The following NWD2 variants were observed in gnomAD, a reference collection of about 807,000 sequenced individuals.
NWD2 encodes NACHT and WD repeat domain containing 2, also known as NACHT and WD repeat domain-containing protein 2.
Under a neutral mutation model 132.7 loss-of-function variants are expected in NWD2, and 37 were observed. That is an observed-to-expected ratio of 0.28 (90% confidence interval 0.21 to 0.37). NWD2 has a LOEUF of 0.37. NWD2 is among the 10% of genes least tolerant of loss of function. The pLI, the probability that NWD2 is intolerant of heterozygous loss-of-function variation, is 1.00. For missense variants in NWD2, 1,592 were observed against 2,122.4 expected (o/e 0.75, Z 4.91); for synonymous variants, 705 against 803.0 (o/e 0.88, Z 2.06).
chr4:37,254,015 C>T (rs1443081403), intron 1 of NWD2, among the ~76,000 whole-genome samples: 2 of 152,080 alleles, frequency 1.3e-5, no homozygotes, highest in African/African-American at 4.8e-5. Context: ...CAAGTGGACA[C>T]ATAGAGGGCA....
At position 37,444,266 on chromosome 4, in the gene NWD2, G is replaced by A. The variant is rs2109331278; in HGVS notation, c.2278G>A (p.Ala760Thr). ...CCTGCGTGAAATGCACACCATCTTA[G>A]CAGATTATTTTCTGGGGGTTTGGTC... is the stretch of plus-strand genomic sequence containing the variant. Reference protein sequence around the residue: ...NDLREMHTILADYFLGVWSGG... With the variant: ...NDLREMHTILTDYFLGVWSGG... The change falls in exon 7 of 7, where the codon GCA becomes ACA. Residue 760 changes from alanine to threonine, a missense_variant. Physicochemically the swap from Ala to Thr is moderately conservative, Grantham distance 58. Transcript: ENST00000309447. This position sits in a 1 kb window ranked among gnomAD's most constrained non-coding sequence, Gnocchi z 4.8. 1 of 1,551,652 alleles carries A rather than the reference G, an allele frequency of 6.4e-7. No individual in the cohort carries two copies. Among genetic ancestry groups the A allele is most frequent in the Non-Finnish European group, 8.7e-7 (1 of 1,146,990 alleles).
chr4:37,285,978 G>A (rs1393839703), intron 1 of NWD2, among the ~76,000 whole-genome samples: 1 of 152,182 alleles, frequency 6.6e-6, no homozygotes. Context: ...TTAGAATCAT[G>A]ACACCAACTG....
chr4:37,445,375 T>G lies in NWD2; in HGVS notation c.3387T>G (p.Ser1129Arg). The G allele has an allele frequency of 6.4e-7, 1 of 1,552,036 alleles. No individual in the cohort carries two copies. The highest frequency in any genetic ancestry group is 8.7e-7 in the Non-Finnish European group (1 of 1,147,074). Residue 1129 changes from serine to arginine, a missense_variant, in exon 7 of 7, where the codon AGT becomes AGG. Around this residue, in one of 7 missense-constraint regions of NWD2, gnomAD observed 1,071 missense variants for 1,398.0 expected, o/e 0.77. Coordinates refer to ENST00000309447, the MANE Select transcript of NWD2 (RefSeq NM_001144990.2). This position sits in a 1 kb window ranked among gnomAD's most constrained non-coding sequence, Gnocchi z 4.7. The part of the protein sequence containing the change: ...LNTTTIFHLG[S>R]GEKLCTVTSE... ...CAACCACCATATTTCATTTAGGGAG[T>G]GGAGAAAAGTTATGTACAGTGACAT...
At chr4:37,366,365 G>A (rs1720099513) in intron 3 of NWD2, among the ~76,000 whole-genome samples, 1 of 152,068 alleles carries the variant, frequency 6.6e-6, no homozygotes, top group South Asian at 2.1e-4. Flanking sequence ...GCCTCCCATT[G>A]CCCTATCAGT....
chr4:37,343,115 AC>A (rs1409802823), intron 2 of NWD2, among the ~76,000 whole-genome samples: 2 of 152,220 alleles, frequency 1.3e-5, no homozygotes, highest in African/African-American at 4.8e-5. Flanking sequence ...GGCTTATACC[AC>A]ATGTATAAAC....
chr4:37,281,669 A>T (rs1338519639), intron 1 of NWD2, among the ~76,000 whole-genome samples: 1 of 152,168 alleles, frequency 6.6e-6, no homozygotes, highest in Non-Finnish European at 1.5e-5. Context: ...TTTAAGTAGC[A>T]TGCTCAAGGT....
intron 3 of NWD2, among the ~76,000 whole-genome samples, chr4:37,418,570 T>G (rs1711694745): frequency 6.6e-6 from 1 of 151,928 alleles, no homozygotes; most frequent in Non-Finnish European, 1.5e-5. Context: ...TCATAAACTA[T>G]GTTGATGGTA....
intron 1 of NWD2, among the ~76,000 whole-genome samples, chr4:37,317,835 C>T (rs1718988224): frequency 6.6e-6 from 1 of 152,136 alleles, no homozygotes; most frequent in Admixed American, 6.6e-5. Context: ...ATGCTGTCAA[C>T]ATAGTCAACT....
intron 1 of NWD2, among the ~76,000 whole-genome samples, chr4:37,265,040 G>T (rs1337635065): frequency 6.6e-6 from 1 of 151,954 alleles, no homozygotes; most frequent in Non-Finnish European, 1.5e-5. Flanking sequence ...ATTAAAATCA[G>T]ATCAAAAATG....
At chr4:37,372,664 A>G (rs73132367) in intron 3 of NWD2, among the ~76,000 whole-genome samples, 2,466 of 152,292 alleles carry the variant, frequency 0.016, 70 homozygotes, top group African/African-American at 0.057. Context: ...AAAGGATAGC[A>G]TTCTTGACTT....
At chr4:37,441,196 C>A (rs990022194) in intron 6 of NWD2, among the ~76,000 whole-genome samples, 4 of 152,148 alleles carry the variant, frequency 2.6e-5, no homozygotes, top group Non-Finnish European at 5.9e-5. Flanking sequence ...AATTAAGCAC[C>A]AGATGAAGTA....
chr4:37,280,066 C>A (rs1718098032), intron 1 of NWD2, among the ~76,000 whole-genome samples: 1 of 152,096 alleles, frequency 6.6e-6, no homozygotes, highest in Non-Finnish European at 1.5e-5. Flanking sequence ...GAAAGTCCTC[C>A]CCTAATGTCA....
chr4:37,438,664 A>T, intron 5 of NWD2, 137 bp from the exon 6 acceptor site: 1 of 593,100 alleles, frequency 1.7e-6, no homozygotes, highest in Non-Finnish European at 2.8e-6. Flanking sequence ...GAAATCAAGA[A>T]ATTATTCTAA....
At chr4:37,397,343 T>A (rs1385200761) in intron 3 of NWD2, among the ~76,000 whole-genome samples, 1 of 152,186 alleles carries the variant, frequency 6.6e-6, no homozygotes, top group African/African-American at 2.4e-5. Flanking sequence ...CAGTCTGTAT[T>A]TTTCTGTGAA....
intron 1 of NWD2, among the ~76,000 whole-genome samples, chr4:37,275,367 A>G (rs968380061): frequency 3.3e-5 from 5 of 152,132 alleles, no homozygotes; most frequent in Non-Finnish European, 5.9e-5. Context: ...TCCAACTTAC[A>G]AGGGATGTGA....
At chr4:37,355,104 G>A (rs12645150) in intron 2 of NWD2, among the ~76,000 whole-genome samples, 25,107 of 152,108 alleles carry the variant, frequency 0.17, 2,229 homozygotes, top group South Asian at 0.23. Context: ...AGCACTTGAG[G>A]AACTGAATTT....
intron 3 of NWD2, among the ~76,000 whole-genome samples, chr4:37,367,849 G>C (rs552995805): frequency 7.9e-5 from 12 of 152,102 alleles, no homozygotes; most frequent in Non-Finnish European, 1.6e-4. Context: ...TGTCTAACTA[G>C]TAAGGGATAA....
At position 37,443,873 on chromosome 4, in the gene NWD2, G is replaced by A. The variant is rs754793058; in HGVS notation, c.1885G>A (p.Val629Ile). Residue 629 changes from valine to isoleucine, a missense_variant, in exon 7 of 7, where the codon GTC (valine) becomes ATC (isoleucine). By Grantham distance (29) the Val-to-Ile change is conservative. This residue lies in a region of NWD2 where 1,071 missense variants were observed against 1,398.0 expected (regional missense o/e 0.77). Transcript: ENST00000309447. The surrounding 1 kb of genome is among the most constrained non-coding windows in gnomAD (Gnocchi z 4.1). The stretch of plus-strand genomic sequence containing the variant: ...GAGGCACTGGAGATCTCACAAAGAC[G>A]TCGATGAATCCTCCCTCTCTGTCAC... ...EVRHWRSHKD[V>I]DESSLSVTVH... 42 of 1,552,200 alleles carry A rather than the reference G, an allele frequency of 2.7e-5. No individual in the cohort carries two copies. Among genetic ancestry groups the A allele is most frequent in the African/African-American group, 4.1e-5 (3 of 73,052 alleles).
rs372360562 is a variant in NWD2 at position 37,419,897 on chromosome 4, A to T, written c.358-10675A>T. 7.6e-4 allele frequency among the ~76,000 whole-genome samples: 116 copies of T among 152,300 alleles called. 1 individual carries two copies. In the South Asian group the frequency reaches 0.024, roughly 31 times the overall value. On this transcript the variant is annotated intron_variant, in intron 3 of 6. Coordinates refer to ENST00000309447, the MANE Select transcript of NWD2 (RefSeq NM_001144990.2). ...TCTTTGCACACAAATCTTTCTGCAA[A>T]TTGGATGAATTTCTAAAAGTGAAAT...
Sources: gnomAD v4.1 joint callset for allele counts (sites outside exome capture counted in the v4.1 genomes callset) on GRCh38, gnomAD v4.1.1 for gene constraint, gnomAD v4.1.1 regional missense constraint, Gnocchi (gnomAD v3.1) non-coding constraint, MANE v1.5 for transcripts, NCBI Gene and HGNC (gene_info 2026-07-23, HGNC 2026-07-21) for gene names.